CSMD1: variants seen among roughly 807,000 people sequenced by gnomAD.
CSMD1 encodes the protein CUB and Sushi multiple domains 1, also known as CUB and sushi domain-containing protein 1.
A neutral mutation model predicts 417.5 loss-of-function variants in CSMD1; 213 were observed. That is an observed-to-expected ratio of 0.51 (90% confidence interval 0.46 to 0.57). The LOEUF is 0.57. CSMD1 is among the 20% of genes least tolerant of loss of function. The pLI, the probability that CSMD1 is intolerant of heterozygous loss-of-function variation, is 0.00. For synonymous variants in CSMD1, 2,862 were observed against 1,736.8 expected (o/e 1.65, Z -16.11); for missense variants, 6,923 against 4,529.7 (o/e 1.53, Z -15.17).
chr8:4,519,050 C>T lies in CSMD1; in HGVS notation c.303-98985G>A, dbSNP rs114302102. 4.4e-3 allele frequency among the ~76,000 whole-genome samples: 666 copies of T among 152,274 alleles called. 8 individuals carry two copies. The highest frequency in any genetic ancestry group is 0.015 in the African/African-American group (630 of 41,562). ...ACACTCCTTATGGCTAGTTTTTTCA[C>T]ATCTTTTAGAACAAGAGTCCATTCC... On this transcript the variant is annotated intron_variant, in intron 2 of 69. Coordinates refer to ENST00000635120, the MANE Select transcript of CSMD1 (RefSeq NM_033225.6).
chr8:3,575,169 G>GAAAA, intron 9 of CSMD1, 103 bp from the exon 10 acceptor site: 1 of 706,406 alleles, frequency 1.4e-6, no homozygotes, highest in South Asian at 2.7e-5. Flanking sequence ...TCTAATCACA[G>GAAAA]TAAAAAAAAA....
At chr8:4,533,948 T>TTA (rs959691790) in intron 2 of CSMD1, among the ~76,000 whole-genome samples, 6 of 148,864 alleles carry the variant, frequency 4.0e-5, no homozygotes, top group African/African-American at 1.5e-4. Context: ...ATATACATAT[T>TTA]TATATATATA....
intron 49 of CSMD1, among the ~76,000 whole-genome samples, chr8:3,065,634 T>C (rs530205704): frequency 2.1e-4 from 32 of 152,138 alleles, no homozygotes; most frequent in African/African-American, 7.2e-4. Flanking sequence ...GGAAGATAGA[T>C]TGATAGATAA....
intron 5 of CSMD1, among the ~76,000 whole-genome samples, chr8:3,913,307 A>G (rs952903803): frequency 1.3e-5 from 2 of 152,268 alleles, no homozygotes; most frequent in East Asian, 1.9e-4. Flanking sequence ...TGTGAGGACC[A>G]TCGACCTGCT....
chr8:3,485,483 G>C (rs529559671), intron 11 of CSMD1, among the ~76,000 whole-genome samples: 1 of 149,886 alleles, frequency 6.7e-6, no homozygotes, highest in African/African-American at 2.5e-5. Flanking sequence ...GGCGGATACA[G>C]GAACTTAAAC....
intron 1 of CSMD1, chr8:4,787,499 T>C (rs912719516): frequency 3.2e-6 from 3 of 923,494 alleles, no homozygotes; most frequent in Non-Finnish European, 5.3e-6. Flanking sequence ...AATCACCAGT[T>C]GTATTTTTCA....
chr8:3,141,193 G>A (rs913793110), intron 41 of CSMD1, among the ~76,000 whole-genome samples: 1 of 151,994 alleles, frequency 6.6e-6, no homozygotes, highest in Non-Finnish European at 1.5e-5. Flanking sequence ...AGGTGGGATG[G>A]GAGTACAGGT....
intron 3 of CSMD1, among the ~76,000 whole-genome samples, chr8:4,116,780 G>C (rs1159544809): frequency 1.3e-5 from 2 of 151,890 alleles, no homozygotes; most frequent in Non-Finnish European, 2.9e-5. Context: ...TCTATAGTCT[G>C]TTCGGTTTTG....
chr8:4,145,309 T>A (rs890183456), intron 3 of CSMD1, among the ~76,000 whole-genome samples: 1 of 151,094 alleles, frequency 6.6e-6, no homozygotes. Flanking sequence ...AACTTTATGG[T>A]ACTCACCATT....
chr8:4,802,350 C>CGTGTGTGT (rs1422073371), intron 1 of CSMD1, among the ~76,000 whole-genome samples: 3 of 138,540 alleles, frequency 2.2e-5, no homozygotes, highest in African/African-American at 3.2e-5. Flanking sequence ...AGTGTGTGCG[C>CGTGTGTGT]GCGTGTGTGT....
At chr8:3,293,615 G>A (rs1038040451) in intron 25 of CSMD1, among the ~76,000 whole-genome samples, 1 of 152,098 alleles carries the variant, frequency 6.6e-6, no homozygotes, top group Admixed American at 6.6e-5. Context: ...CCTGTTGATT[G>A]TATTGGCTAC....
intron 10 of CSMD1, among the ~76,000 whole-genome samples, chr8:3,524,068 CACTT>C (rs201156390): frequency 0.12 from 18,443 of 148,202 alleles, 1,250 homozygotes; most frequent in Admixed American, 0.2. Context: ...CACATGCACA[CACTT>C]ACACATGCAC....
At chr8:4,853,216 C>G (rs1801589090) in intron 1 of CSMD1, among the ~76,000 whole-genome samples, 1 of 152,138 alleles carries the variant, frequency 6.6e-6, no homozygotes, top group Non-Finnish European at 1.5e-5. Context: ...TGGGATAAAG[C>G]CCTGGAATGC....
At chr8:4,733,421 C>T (rs1032241017) in intron 1 of CSMD1, among the ~76,000 whole-genome samples, 1 of 152,110 alleles carries the variant, frequency 6.6e-6, no homozygotes, top group Non-Finnish European at 1.5e-5. Flanking sequence ...AAGAAGGAAA[C>T]AGACATAGAG....
chr8:4,297,504 C>A (rs564689415), intron 3 of CSMD1, among the ~76,000 whole-genome samples: 2 of 152,138 alleles, frequency 1.3e-5, no homozygotes, highest in Admixed American at 6.6e-5. Context: ...TACATTCAGG[C>A]CATTTTTGCT....
chr8:4,285,741 G>T (rs1033029590), intron 3 of CSMD1, among the ~76,000 whole-genome samples: 3 of 152,124 alleles, frequency 2.0e-5, no homozygotes, highest in Non-Finnish European at 2.9e-5. Context: ...ATCCTGTTAG[G>T]AACTTCAGAG....
At chr8:4,140,921 AC>A (rs1563177020) in intron 3 of CSMD1, among the ~76,000 whole-genome samples, 1 of 151,248 alleles carries the variant, frequency 6.6e-6, no homozygotes, top group Non-Finnish European at 1.5e-5. Flanking sequence ...CTTACTGCTA[AC>A]AAAAACTTCA....
intron 5 of CSMD1, among the ~76,000 whole-genome samples, chr8:3,855,345 C>T (rs988822092): frequency 3.9e-5 from 6 of 152,060 alleles, no homozygotes; most frequent in African/African-American, 1.4e-4. Context: ...AGGAAATACA[C>T]TCACATCCTA....
intron 5 of CSMD1, among the ~76,000 whole-genome samples, chr8:3,815,611 T>C (rs1285077669): frequency 7.1e-6 from 1 of 141,024 alleles, no homozygotes; most frequent in African/African-American, 2.7e-5. Context: ...AAAATGTCTA[T>C]CACTGCTAGA....
Sources: allele counts gnomAD v4.1 joint callset (sites outside exome capture counted in the v4.1 genomes callset), GRCh38; gene constraint gnomAD v4.1.1; transcripts MANE v1.5; gene names NCBI Gene and HGNC (gene_info 2026-07-23, HGNC 2026-07-21).